Variants in TMOD3 observed in about 807,000 individuals in gnomAD.
TMOD3 encodes the protein tropomodulin 3.
TMOD3 carries 20 observed loss-of-function variants against 39.2 expected under a neutral mutation model. The observed-to-expected ratio is 0.51, with a 90% CI of 0.36 to 0.74. The LOEUF is 0.74. TMOD3 is among the 30% of genes least tolerant of loss of function. The pLI, the probability that TMOD3 is intolerant of heterozygous loss-of-function variation, is 0.00. For synonymous variants in TMOD3, 143 were observed against 145.8 expected (o/e 0.98, Z 0.14); for missense variants, 381 against 412.8 (o/e 0.92, Z 0.67).
intron 1 of TMOD3, among the ~76,000 whole-genome samples, chr15:51,848,037 C>T (rs2056344478): frequency 6.6e-6 from 1 of 152,142 alleles, no homozygotes; most frequent in Non-Finnish European, 1.5e-5. Context: ...GCATTTCTAT[C>T]ATTTCAGGAC....
Position 51,909,595 on chromosome 15 carries a change from C to T in TMOD3, c.*785C>T, listed in dbSNP as rs1489127544. 2 of 152,366 alleles carry T rather than the reference C, an allele frequency of 1.3e-5. No individual in the cohort carries two copies. Among genetic ancestry groups the T allele is most frequent in the Admixed American group, 1.3e-4 (2 of 15,260 alleles). 9.4% of individuals were successfully genotyped at this position (152,366 alleles called of 1,614,324 possible). ...TAAAAGCTGTTTTCACCACCTCCCT[C>T]CCCACCCCCCAAAAAAGGCGTACAG... On this transcript the variant is annotated 3_prime_UTR_variant, in exon 10 of 10. Coordinates refer to ENST00000308580, the MANE Select transcript of TMOD3 (RefSeq NM_014547.5).
chr15:51,861,025 G>C (rs2056415382), intron 1 of TMOD3: 2 of 705,050 alleles, frequency 2.8e-6, no homozygotes. Context: ...CCTTGTACCT[G>C]GTGTACAATA....
At chr15:51,849,683 C>T (rs2056351706) in intron 1 of TMOD3, among the ~76,000 whole-genome samples, 1 of 152,128 alleles carries the variant, frequency 6.6e-6, no homozygotes, top group Admixed American at 6.5e-5. Flanking sequence ...GTAATCCCAG[C>T]ACTTTGGGAG....
At chr15:51,869,110 C>T in intron 2 of TMOD3, 107 bp from the exon 3 acceptor site, 1 of 1,224,754 alleles carries the variant, frequency 8.2e-7, no homozygotes, top group Non-Finnish European at 1.1e-6. Flanking sequence ...TGTTTAGTGC[C>T]TGTATCACAT....
chr15:51,882,435 G>T (rs908282816), intron 3 of TMOD3, among the ~76,000 whole-genome samples: 5 of 151,920 alleles, frequency 3.3e-5, no homozygotes, highest in East Asian at 2.0e-4. Flanking sequence ...GGAGGCAGAG[G>T]TTGCATGGAG....
intron 2 of TMOD3, among the ~76,000 whole-genome samples, chr15:51,865,746 C>T (rs140905096): frequency 6.6e-6 from 1 of 152,132 alleles, no homozygotes; most frequent in Non-Finnish European, 1.5e-5. Context: ...GTAGCAGCTA[C>T]TTCAGCCAAA....
chr15:51,908,771 C>T lies in TMOD3; in HGVS notation c.1025-5C>T, dbSNP rs764117440. 11 of 1,595,562 alleles carry T rather than the reference C, an allele frequency of 6.9e-6. No individual in the cohort carries two copies. The highest frequency in any genetic ancestry group is 9.4e-6 in the Non-Finnish European group (11 of 1,172,912). On this transcript the variant is annotated splice_region_variant and splice_polypyrimidine_tract_variant and intron_variant, in intron 9 of 9. Transcript: ENST00000308580. ...CTAACATAGTTTCTTTTATTTTTCTCATAGTGCGTAAGAGACGAGTTGAAG... is the reference window on the plus strand; with the variant it reads ...CTAACATAGTTTCTTTTATTTTTCTTATAGTGCGTAAGAGACGAGTTGAAG...
chr15:51,878,257 T>C (rs557699089), intron 3 of TMOD3, among the ~76,000 whole-genome samples: 14 of 152,284 alleles, frequency 9.2e-5, no homozygotes, highest in African/African-American at 3.1e-4. Flanking sequence ...TCTGGCCAGG[T>C]ATGGTAACTC....
intron 1 of TMOD3, among the ~76,000 whole-genome samples, chr15:51,842,548 T>C (rs925630344): frequency 6.6e-6 from 1 of 152,186 alleles, no homozygotes; most frequent in Non-Finnish European, 1.5e-5. Flanking sequence ...TGTCTGTTGG[T>C]TATTTTTCAG....
At chr15:51,871,691 G>T (rs541977690) in intron 3 of TMOD3, among the ~76,000 whole-genome samples, 1 of 152,230 alleles carries the variant, frequency 6.6e-6, no homozygotes, top group African/African-American at 2.4e-5. Flanking sequence ...CGGAAAATAA[G>T]AAAATACAAG....
rs2056706123 is a variant in TMOD3, at chr15:51,910,720, C to T, written c.*1910C>T. On this transcript the variant is annotated 3_prime_UTR_variant, in exon 10 of 10. Coordinates refer to ENST00000308580, the MANE Select transcript of TMOD3 (RefSeq NM_014547.5). ...CCTTCTTAACAGGCTAAGCTTCCCT[C>T]ATAAGAACTGTGGTGTTTCTCTTTT... 6.6e-6 allele frequency: 1 copy of T among 151,422 alleles called. No homozygotes were observed. Among genetic ancestry groups the T allele is most frequent in the South Asian group, 2.1e-4 (1 of 4,810 alleles). The allele number at this position is 151,422 out of a possible 1,614,324, so 9.4% of individuals were successfully genotyped here.
At chr15:51,895,029 A>G (rs2056613677) in intron 6 of TMOD3, among the ~76,000 whole-genome samples, 1 of 152,130 alleles carries the variant, frequency 6.6e-6, no homozygotes, top group Non-Finnish European at 1.5e-5. Flanking sequence ...GCCATTGTGT[A>G]ATGGCTTCAT....
chr15:51,869,101 G>C, intron 2 of TMOD3, 116 bp from the exon 3 acceptor site: 2 of 1,124,918 alleles, frequency 1.8e-6, no homozygotes, highest in Non-Finnish European at 2.5e-6. Context: ...GCAATGAAGT[G>C]TTTAGTGCCT....
chr15:51,864,147 C>A (rs1323914889), intron 2 of TMOD3, among the ~76,000 whole-genome samples: 1 of 151,490 alleles, frequency 6.6e-6, no homozygotes, highest in Admixed American at 6.6e-5. Context: ...CGCATGTAGC[C>A]CCAGGCTACT....
At chr15:51,870,953 C>A (rs748972004) in intron 3 of TMOD3, among the ~76,000 whole-genome samples, 1 of 152,058 alleles carries the variant, frequency 6.6e-6, no homozygotes, top group Non-Finnish European at 1.5e-5. Flanking sequence ...TCTTTTAAGG[C>A]CTTCAACTGA....
At chr15:51,869,442 G>A in intron 3 of TMOD3, 69 bp downstream of exon 3, 1 of 1,466,298 alleles carries the variant, frequency 6.8e-7, no homozygotes, top group Non-Finnish European at 9.3e-7. Context: ...TGGGTGTGGA[G>A]AAAATCATAT....
chr15:51,859,225 A>G (rs770237509), intron 1 of TMOD3: 23 of 740,692 alleles, frequency 3.1e-5, no homozygotes, highest in African/African-American at 6.9e-5. Flanking sequence ...TTAGCTACAG[A>G]TGCCTCTGCT....
chr15:51,906,111 C>T (rs920880575), intron 9 of TMOD3, among the ~76,000 whole-genome samples: 2 of 152,180 alleles, frequency 1.3e-5, no homozygotes, highest in East Asian at 1.9e-4. Flanking sequence ...AGAAATGGCC[C>T]GTTGCCCCAT....
chr15:51,841,718 G>T, intron 1 of TMOD3, among the ~76,000 whole-genome samples: 1 of 152,012 alleles, frequency 6.6e-6, no homozygotes, highest in Middle Eastern at 3.2e-3. Flanking sequence ...ATCCCCAATT[G>T]CCACTAGCTG....
Sources: gnomAD v4.1 joint callset for allele counts (sites outside exome capture counted in the v4.1 genomes callset) on GRCh38, gnomAD v4.1.1 for gene constraint, MANE v1.5 for transcripts, NCBI Gene and HGNC (gene_info 2026-07-23, HGNC 2026-07-21) for gene names.